The following SLC24A3 variants were observed in gnomAD, a reference collection of about 807,000 sequenced individuals.
SLC24A3 encodes the protein solute carrier family 24 member 3, also known as sodium/potassium/calcium exchanger 3.
In SLC24A3, 28 loss-of-function variants were observed where a neutral mutation model predicts 75.8. The ratio of observed to expected loss-of-function variants is 0.37; its 90% CI spans 0.27 to 0.51. The LOEUF is 0.51. Among genes scored for constraint, SLC24A3 ranks in the 20% least tolerant of loss-of-function variants. SLC24A3 has a pLI of 0.94. For missense variants in SLC24A3, 663 were observed against 847.8 expected (o/e 0.78, Z 2.71); for synonymous variants, 372 against 334.1 (o/e 1.11, Z -1.24).
At chr20:19,231,929 C>T (rs6132179) in intron 1 of SLC24A3, among the ~76,000 whole-genome samples, 23,425 of 152,196 alleles carry the variant, frequency 0.15, 3,419 homozygotes, top group East Asian at 0.8. Flanking sequence ...TCACCCTCCC[C>T]TAGCTAGAAT....
intron 1 of SLC24A3, among the ~76,000 whole-genome samples, chr20:19,254,380 T>C (rs2122184553): frequency 6.6e-6 from 1 of 152,268 alleles, no homozygotes; most frequent in African/African-American, 2.4e-5. Flanking sequence ...CTACATTGCT[T>C]GCCACCTCAA....
chr20:19,485,573 C>T (rs1417842412), intron 2 of SLC24A3, among the ~76,000 whole-genome samples: 1 of 152,142 alleles, frequency 6.6e-6, no homozygotes. Context: ...TTGAAGGCTA[C>T]TTTTTGAAAG....
Position 19,380,341 on chromosome 20 carries a change from G to A in SLC24A3, c.271+99254G>A, listed in dbSNP as rs182861144. 2.4e-3 allele frequency among the ~76,000 whole-genome samples: 371 copies of A among 152,318 alleles called. 14 individuals are homozygous for A. Among genetic ancestry groups the A allele is most frequent in the Admixed American group, 0.022 (343 of 15,300 alleles). ...GAGTGCGGTGTGAGACAGGGCTGGA[G>A]ACACTGGCAGAGACCCGGCAATACT... On this transcript the variant is annotated intron_variant, in intron 2 of 16. Transcript: ENST00000328041.
chr20:19,580,473 G>A (rs752648073), intron 4 of SLC24A3, among the ~76,000 whole-genome samples: 1 of 151,476 alleles, frequency 6.6e-6, no homozygotes, highest in African/African-American at 2.4e-5. Context: ...TGGCATCCTC[G>A]CAGGATTAAA....
At chr20:19,566,584 C>T (rs894030025) in intron 3 of SLC24A3, among the ~76,000 whole-genome samples, 1 of 152,222 alleles carries the variant, frequency 6.6e-6, no homozygotes, top group Non-Finnish European at 1.5e-5. Context: ...CAAATGAAGA[C>T]TTCTACTGGG....
intron 15 of SLC24A3, among the ~76,000 whole-genome samples, chr20:19,700,560 AC>A (rs1211219129): frequency 6.6e-6 from 1 of 152,160 alleles, no homozygotes; most frequent in East Asian, 1.9e-4. Context: ...TGACTGTTGG[AC>A]CCTGTAGCTC....
chr20:19,479,810 A>G (rs1270468127), intron 2 of SLC24A3, among the ~76,000 whole-genome samples: 2 of 152,134 alleles, frequency 1.3e-5, no homozygotes, highest in Non-Finnish European at 2.9e-5. Flanking sequence ...TGAGGAAAGG[A>G]CCTCGACACT....
intron 15 of SLC24A3, among the ~76,000 whole-genome samples, chr20:19,716,554 A>C (rs377313829): frequency 2.0e-5 from 3 of 151,948 alleles, no homozygotes; most frequent in African/African-American, 7.3e-5. Context: ...GTGCTATTCT[A>C]TAGAAACTCC....
At chr20:19,262,361 C>T (rs866372543) in intron 1 of SLC24A3, among the ~76,000 whole-genome samples, 6 of 143,186 alleles carry the variant, frequency 4.2e-5, no homozygotes, top group African/African-American at 1.0e-4. Context: ...GCCGAGATCG[C>T]GCCACTGCAC....
intron 6 of SLC24A3, among the ~76,000 whole-genome samples, chr20:19,598,859 C>T (rs767375902): frequency 7.2e-5 from 11 of 151,770 alleles, no homozygotes; most frequent in Non-Finnish European, 1.2e-4. Flanking sequence ...CATCTTTGTG[C>T]TTGACCTTTT....
At chr20:19,459,028 C>G (rs1213630472) in intron 2 of SLC24A3, among the ~76,000 whole-genome samples, 2 of 152,108 alleles carry the variant, frequency 1.3e-5, no homozygotes, top group Non-Finnish European at 2.9e-5. Context: ...CTCACTTCCC[C>G]CCTCCAACAT....
chr20:19,436,119 A>C (rs767681370), intron 2 of SLC24A3, among the ~76,000 whole-genome samples: 1 of 152,160 alleles, frequency 6.6e-6, no homozygotes, highest in African/African-American at 2.4e-5. Flanking sequence ...AGAACTTGGC[A>C]CATGTCAGTT....
rs538668981 is a variant in SLC24A3 at position 19,594,236 on chromosome 20, G to A, written c.612+8692G>A. On this transcript the variant is annotated intron_variant, in intron 6 of 16. Transcript: ENST00000328041. ...ACTGGTGTCCACTGAAGACTCCCTGGTCTTCCCTCCTATCAACCCCCTACA... is the reference window on the plus strand; with the variant it reads ...ACTGGTGTCCACTGAAGACTCCCTGATCTTCCCTCCTATCAACCCCCTACA... Among the ~76,000 whole-genome samples the A allele has an allele frequency of 8.7e-5, 13 of 149,880 alleles. No individual in the cohort carries two copies. In the South Asian group the frequency reaches 2.0e-3, roughly 22 times the overall value.
chr20:19,347,180 A>G (rs1036547033), intron 2 of SLC24A3, among the ~76,000 whole-genome samples: 1 of 152,238 alleles, frequency 6.6e-6, no homozygotes, highest in African/African-American at 2.4e-5. Context: ...CTGTACAGAC[A>G]GTAGAAAGAT....
chr20:19,240,490 T>G (rs1479891113), intron 1 of SLC24A3, among the ~76,000 whole-genome samples: 1 of 152,194 alleles, frequency 6.6e-6, no homozygotes, highest in African/African-American at 2.4e-5. Context: ...GACAAAACTC[T>G]GTATGTGCAG....
chr20:19,558,680 G>T (rs1243267468), intron 3 of SLC24A3, among the ~76,000 whole-genome samples: 1 of 152,062 alleles, frequency 6.6e-6, no homozygotes, highest in Non-Finnish European at 1.5e-5. Context: ...TTTTCAGCAG[G>T]AATACCACAG....
intron 6 of SLC24A3, among the ~76,000 whole-genome samples, chr20:19,597,242 C>T (rs1346605168): frequency 6.6e-6 from 1 of 151,954 alleles, no homozygotes; most frequent in Non-Finnish European, 1.5e-5. Context: ...TAAGAATTAG[C>T]CAGGTGTGGT....
intron 2 of SLC24A3, among the ~76,000 whole-genome samples, chr20:19,508,361 G>A (rs77413873): frequency 0.014 from 2,087 of 152,306 alleles, 20 homozygotes; most frequent in Middle Eastern, 0.034. Flanking sequence ...TATTCTGATG[G>A]CTGCAGCAGC....
intron 3 of SLC24A3, among the ~76,000 whole-genome samples, chr20:19,545,360 T>A (rs1306260358): frequency 6.6e-6 from 1 of 152,200 alleles, no homozygotes; most frequent in Non-Finnish European, 1.5e-5. Context: ...GCAAGACTCC[T>A]CTTCAGAGGT....
Sources: gnomAD v4.1 joint callset for allele counts (sites outside exome capture counted in the v4.1 genomes callset) on GRCh38, gnomAD v4.1.1 for gene constraint, MANE v1.5 for transcripts, NCBI Gene and HGNC (gene_info 2026-07-23, HGNC 2026-07-21) for gene names.